Variants in KCNH1 observed in about 807,000 individuals in gnomAD.
KCNH1 encodes potassium voltage-gated channel subfamily H member 1, also known as voltage-gated delayed rectifier potassium channel KCNH1.
In KCNH1, 27 loss-of-function variants were observed where a neutral mutation model predicts 69.2. The ratio of observed to expected loss-of-function variants is 0.39; its 90% CI spans 0.29 to 0.54. The LOEUF (loss-of-function observed/expected upper bound fraction) is 0.54, where lower values mean the gene tolerates loss of function less well. KCNH1 is among the 20% of genes least tolerant of loss of function. The pLI, the probability that KCNH1 is intolerant of heterozygous loss-of-function variation, is 0.68. For missense variants in KCNH1, 798 were observed against 1,261.6 expected, an observed-to-expected ratio of 0.63 and a Z score of 5.57; for synonymous variants, 456 against 487.7, an observed-to-expected ratio of 0.93 and a Z score of 0.86.
chr1:210,961,216 T>G (rs115298475), intron 6 of KCNH1, among the ~76,000 whole-genome samples: 2,744 of 152,252 alleles, frequency 0.018, 61 homozygotes, highest in South Asian at 0.093. Flanking sequence ...TTCCATATTT[T>G]GGCTAAAAGT....
intron 10 of KCNH1, among the ~76,000 whole-genome samples, chr1:210,719,194 C>CTT (rs1682389446): frequency 1.3e-5 from 2 of 152,152 alleles, no homozygotes; most frequent in Non-Finnish European, 2.9e-5. Context: ...GGGGCTACTG[C>CTT]ATGGAGCAGT....
At position 211,072,967 on chromosome 1, in the gene KCNH1, T is replaced by C. The variant is rs748435561; in HGVS notation, c.558+9813A>G. The stretch of plus-strand genomic sequence containing the variant: ...GATGAAAAAACAAGACCCAACTATA[T>C]GTCGTCTACAGAAAGTCACTTTAAA... On this transcript the variant is annotated intron_variant, in intron 5 of 10. Coordinates refer to ENST00000271751, the MANE Select transcript of KCNH1 (RefSeq NM_172362.3). Among the ~76,000 whole-genome samples, 6 of 152,198 alleles carry C rather than the reference T, an allele frequency of 3.9e-5. No homozygotes were observed. The South Asian group carries it at 1.0e-3, about 26-fold the overall frequency.
rs138837046 is a variant in KCNH1, at chr1:210,807,006, CA to C, written c.1463-2841del. On this transcript the variant is annotated intron_variant, in intron 7 of 10. Transcript: ENST00000271751. ...TGGGTAGCAGAGCAAGACTCCATCT[CA>C]AAAAAAAAAAAAAATTCACAAGAAG... 9.8e-4 allele frequency among the ~76,000 whole-genome samples: 121 copies of C among 123,750 alleles called. 1 individual carries two copies. The highest frequency in any genetic ancestry group is 2.9e-3 in the African/African-American group (92 of 31,864). 81.2% of individuals were successfully genotyped at this position (123,750 alleles called of 152,430 possible). A position where few individuals can be genotyped will look rare whatever the true frequency, so the allele number is the denominator to read the frequency against.
At chr1:210,894,318 C>T (rs1245389764) in intron 7 of KCNH1, among the ~76,000 whole-genome samples, 1 of 152,172 alleles carries the variant, frequency 6.6e-6, no homozygotes, top group Non-Finnish European at 1.5e-5. Context: ...TTATTTCCCA[C>T]TGCCAAGGAA....
At chr1:210,746,017 C>CCA (rs973241854) in intron 10 of KCNH1, among the ~76,000 whole-genome samples, 1 of 152,132 alleles carries the variant, frequency 6.6e-6, no homozygotes, top group African/African-American at 2.4e-5. Flanking sequence ...GCTGGGGCAG[C>CCA]CACACACACA....
chr1:211,047,059 T>G (rs146455232), intron 5 of KCNH1, among the ~76,000 whole-genome samples: 6 of 152,238 alleles, frequency 3.9e-5, no homozygotes, highest in Admixed American at 3.9e-4. Flanking sequence ...GTAATCAATA[T>G]GTAAAATCAC....
rs1390761099 is a variant in KCNH1 at position 210,986,118 on chromosome 1, T to G, written c.1032+32665A>C. On this transcript the variant is annotated intron_variant, in intron 6 of 10. Coordinates refer to ENST00000271751, the MANE Select transcript of KCNH1 (RefSeq NM_172362.3). ...CTAGGATTGCAACCCCTGCCTTTTT[T>G]TGTTCTCCATTTGCTTAGTAGATCT... is the stretch of plus-strand genomic sequence containing the variant. Among the ~76,000 whole-genome samples, 4 of 152,350 alleles carry G rather than the reference T, an allele frequency of 2.6e-5. No individual in the cohort carries two copies. The East Asian group carries it at 7.7e-4, about 29-fold the overall frequency.
At chr1:210,795,523 G>C (rs1163152760) in intron 9 of KCNH1, among the ~76,000 whole-genome samples, 1 of 152,102 alleles carries the variant, frequency 6.6e-6, no homozygotes, top group Non-Finnish European at 1.5e-5. Context: ...TCATCCTTGG[G>C]TTAACCTAAG....
intron 6 of KCNH1, among the ~76,000 whole-genome samples, chr1:210,986,422 T>C (rs181330624): frequency 0.06 from 9,189 of 152,280 alleles, 331 homozygotes; most frequent in Middle Eastern, 0.085. Flanking sequence ...TGGCTGGTAC[T>C]GGTTGTTCCT....
intron 1 of KCNH1, among the ~76,000 whole-genome samples, chr1:211,110,027 GA>G (rs60006164): frequency 0.042 from 5,503 of 132,088 alleles, 326 homozygotes; most frequent in African/African-American, 0.14. Flanking sequence ...AAACAGAGAA[GA>G]AAAAAAAAAA....
Position 210,797,504 on chromosome 1 carries a change from C to T in KCNH1, c.1915+4G>A. ...TTTGCCCATCCAGCAAAGCCAACAC[C>T]TACCTAGAATGGCCACCACCTCATC... On this transcript the variant is annotated splice_donor_region_variant and intron_variant, in intron 9 of 10. Transcript: ENST00000271751. The T allele has an allele frequency of 1.9e-6, 3 of 1,613,772 alleles. No homozygotes were observed. The highest frequency in any genetic ancestry group is 2.5e-6 in the Non-Finnish European group (3 of 1,179,718).
rs2148999670 is a variant in KCNH1, at chr1:210,681,987, C to CAT, written c.*1292_*1293dup. The CAT allele has an allele frequency of 6.6e-6, 1 of 152,292 alleles. No homozygotes were observed. The highest frequency in any genetic ancestry group is 2.4e-5 in the African/African-American group (1 of 41,564). The allele number at this position is 152,292 out of a possible 1,614,324, so 9.4% of individuals were successfully genotyped here. The stretch of plus-strand genomic sequence containing the variant: ...AGTGAAGTGTCCCCGAGCATCGTGG[C>CAT]ATAGGGGCTTGGATGGCCCATACGC... On this transcript the variant is annotated 3_prime_UTR_variant, in exon 11 of 11. Transcript: ENST00000271751.
intron 7 of KCNH1, chr1:210,861,756 C>T (rs1685982865): frequency 1.3e-6 from 1 of 773,998 alleles, no homozygotes; most frequent in South Asian, 1.3e-5. Context: ...TTAGAACTGA[C>T]AGAAAATGCT....
chr1:211,090,029 A>G (rs1691024878), intron 4 of KCNH1, among the ~76,000 whole-genome samples: 1 of 152,198 alleles, frequency 6.6e-6, no homozygotes, highest in Non-Finnish European at 1.5e-5. Context: ...AACTGTTTAA[A>G]TGACCCATAT....
At chr1:210,906,683 T>C (rs1239646453) in intron 7 of KCNH1, among the ~76,000 whole-genome samples, 1 of 152,240 alleles carries the variant, frequency 6.6e-6, no homozygotes, top group African/African-American at 2.4e-5. Context: ...CATGTGTCAC[T>C]GATAATTCAG....
intron 6 of KCNH1, among the ~76,000 whole-genome samples, chr1:210,971,676 AG>A (rs1362606838): frequency 6.8e-6 from 1 of 147,744 alleles, no homozygotes; most frequent in African/African-American, 2.5e-5. Flanking sequence ...GCGATGGAAA[AG>A]GTATTTATGT....
intron 1 of KCNH1, among the ~76,000 whole-genome samples, chr1:211,129,180 AG>A (rs35893799): frequency 0.052 from 7,934 of 152,282 alleles, 306 homozygotes; most frequent in Non-Finnish European, 0.076. Context: ...AAACAAGAAA[AG>A]TATGGTCCAA....
intron 7 of KCNH1, among the ~76,000 whole-genome samples, chr1:210,886,525 C>A (rs1043693807): frequency 2.0e-5 from 3 of 151,856 alleles, no homozygotes; most frequent in Non-Finnish European, 4.4e-5. Context: ...AGCAAGGGAA[C>A]AAAACTGGAT....
chr1:210,934,982 G>A (rs182899631), intron 6 of KCNH1, among the ~76,000 whole-genome samples: 35 of 152,072 alleles, frequency 2.3e-4, no homozygotes, highest in African/African-American at 8.2e-4. Flanking sequence ...CAATCCCAAT[G>A]CTGGGTTATG....
Sources: allele counts gnomAD v4.1 joint callset (sites outside exome capture counted in the v4.1 genomes callset), GRCh38; gene constraint gnomAD v4.1.1; transcripts MANE v1.5; gene names NCBI Gene and HGNC (gene_info 2026-07-23, HGNC 2026-07-21).